Variants in SLC24A2 observed in about 807,000 individuals in gnomAD.
SLC24A2 encodes sodium/potassium/calcium exchanger 2.
Under a neutral mutation model 62.0 loss-of-function variants are expected in SLC24A2, and 36 were observed. The ratio of observed to expected loss-of-function variants is 0.58; its 90% confidence interval spans 0.44 to 0.77. The LOEUF (loss-of-function observed/expected upper bound fraction) is 0.77, where lower values mean the gene tolerates loss of function less well. Ranked by LOEUF, SLC24A2 falls within the 30% of genes least tolerant of loss-of-function variation. The pLI is 0.00. For missense variants in SLC24A2, 846 were observed against 817.9 expected (o/e 1.03, Z -0.42); for synonymous variants, 358 against 294.0 (o/e 1.22, Z -2.23).
At chr9:19,667,209 G>C (rs1819280486) in intron 2 of SLC24A2, among the ~76,000 whole-genome samples, 1 of 152,178 alleles carries the variant, frequency 6.6e-6, no homozygotes, top group African/African-American at 2.4e-5. Flanking sequence ...CAGAGAGCTT[G>C]CCAAAGCCAT....
At chr9:19,839,951 C>T in the SLC24A2 span, among the ~76,000 whole-genome samples, 2 of 152,098 alleles carry the variant, frequency 1.3e-5, no homozygotes, top group Admixed American at 6.5e-5. Flanking sequence ...TTGTGGTAAG[C>T]TATATCATCC....
chr9:19,578,110 G>A (rs1389163687), intron 5 of SLC24A2, among the ~76,000 whole-genome samples: 2 of 151,386 alleles, frequency 1.3e-5, no homozygotes, highest in African/African-American at 2.4e-5. Context: ...GGGGACGAGG[G>A]ATAAAGGACT....
At chr9:19,741,401 G>A (rs952516618) in intron 2 of SLC24A2, among the ~76,000 whole-genome samples, 1 of 152,176 alleles carries the variant, frequency 6.6e-6, no homozygotes, top group Non-Finnish European at 1.5e-5. Context: ...CGTCCCAGAG[G>A]TTGCATTGCC....
At chr9:19,880,288 G>A in the SLC24A2 span, among the ~76,000 whole-genome samples, 1 of 152,158 alleles carries the variant, frequency 6.6e-6, no homozygotes, top group Non-Finnish European at 1.5e-5. Context: ...AAGTAACTCG[G>A]GACTGGTTGG....
intron 2 of SLC24A2, among the ~76,000 whole-genome samples, chr9:19,664,808 CG>C (rs1375082859): frequency 2.0e-5 from 3 of 152,084 alleles, no homozygotes; most frequent in Non-Finnish European, 4.4e-5. Context: ...AGGAATGCCA[CG>C]GATTGCCAGC....
chr9:19,848,736 C>T, the SLC24A2 span, among the ~76,000 whole-genome samples: 7 of 151,932 alleles, frequency 4.6e-5, no homozygotes, highest in African/African-American at 1.7e-4. Context: ...ATGTAAAAAC[C>T]TTCTAACCAC....
chr9:19,905,876 C>T, the SLC24A2 span, among the ~76,000 whole-genome samples: 1 of 152,014 alleles, frequency 6.6e-6, no homozygotes, highest in Non-Finnish European at 1.5e-5. Flanking sequence ...AAGTGAAACT[C>T]AAGAGAATTT....
the SLC24A2 span, among the ~76,000 whole-genome samples, chr9:20,159,019 T>C: frequency 1.3e-5 from 2 of 151,638 alleles, no homozygotes; most frequent in South Asian, 4.1e-4. Flanking sequence ...GCAAAAATAT[T>C]AGGCTTACTT....
chr9:20,118,799 A>T, the SLC24A2 span, among the ~76,000 whole-genome samples: 7 of 152,168 alleles, frequency 4.6e-5, no homozygotes, highest in Non-Finnish European at 8.8e-5. Context: ...AAACAAGTAT[A>T]GGGTAGTCTT....
intron 5 of SLC24A2, among the ~76,000 whole-genome samples, chr9:19,596,792 G>T (rs1005747594): frequency 6.6e-6 from 1 of 152,154 alleles, no homozygotes; most frequent in Non-Finnish European, 1.5e-5. Flanking sequence ...CTGGTTCTGG[G>T]TATAGAAGAT....
At chr9:19,945,689 T>C in the SLC24A2 span, among the ~76,000 whole-genome samples, 5 of 152,320 alleles carry the variant, frequency 3.3e-5, no homozygotes, top group Admixed American at 2.0e-4. Flanking sequence ...AGATGAAGAA[T>C]TGGAGACTCA....
chr9:19,810,463 A>G, the SLC24A2 span, among the ~76,000 whole-genome samples: 2 of 152,246 alleles, frequency 1.3e-5, no homozygotes, highest in Admixed American at 6.5e-5. Context: ...TTCGAGACAA[A>G]ATAGGAACTG....
the SLC24A2 span, among the ~76,000 whole-genome samples, chr9:20,011,254 C>T: frequency 6.6e-6 from 1 of 152,286 alleles, no homozygotes; most frequent in Admixed American, 6.5e-5. Flanking sequence ...CATTTCTCCA[C>T]ATCCTCTCCA....
In SLC24A2 at chr9:19,529,192, C is replaced by G. The variant is rs139030724; in HGVS notation, c.1480-1054G>C. ...CCACTTTTTGCTTTGATAATGCCAT[C>G]CAATTTTATCTAGAGAAATGAATTT... On this transcript the variant is annotated intron_variant, in intron 8 of 10. Coordinates refer to ENST00000341998, the MANE Select transcript of SLC24A2 (RefSeq NM_020344.4). Among the ~76,000 whole-genome samples, 53 of 152,254 alleles carry G rather than the reference C, an allele frequency of 3.5e-4. 1 individual carries two copies. The highest frequency in any genetic ancestry group is 1.2e-3 in the African/African-American group (51 of 41,556).
chr9:20,181,267 T>TA, the SLC24A2 span, among the ~76,000 whole-genome samples: 1 of 149,786 alleles, frequency 6.7e-6, no homozygotes, highest in Non-Finnish European at 1.5e-5. Flanking sequence ...AAAGAAAAAA[T>TA]AAAGCCTATA....
intron 5 of SLC24A2, among the ~76,000 whole-genome samples, chr9:19,595,480 G>A (rs1014843479): frequency 6.6e-6 from 1 of 152,152 alleles, no homozygotes; most frequent in African/African-American, 2.4e-5. Context: ...GGTGACCCAG[G>A]GAGGGCCCCC....
At position 19,513,660 on chromosome 9, in the gene SLC24A2, TAAG is replaced by T. The variant is rs1832818133; in HGVS notation, c.*2490_*2492del. 1 of 152,174 alleles carries T rather than the reference TAAG, an allele frequency of 6.6e-6. No individual in the cohort carries two copies. Among genetic ancestry groups the T allele is most frequent in the Non-Finnish European group, 1.5e-5 (1 of 68,048 alleles). The allele number at this position is 152,174 out of a possible 1,614,324, so 9.4% of individuals were successfully genotyped here. A position where few individuals can be genotyped will look rare whatever the true frequency, so the allele number is the denominator to read the frequency against. ...GAGGAGGCAGAGGGAGGATCAGGAATAAGAAGAGGGCGGCATCAGGTCTCCTTC... is the reference window on the plus strand; with the variant it reads ...GAGGAGGCAGAGGGAGGATCAGGAATAAGAGGGCGGCATCAGGTCTCCTTC... On this transcript the variant is annotated 3_prime_UTR_variant, in exon 11 of 11. Transcript: ENST00000341998.
chr9:20,260,036 T>C, the SLC24A2 span, among the ~76,000 whole-genome samples: 9 of 152,192 alleles, frequency 5.9e-5, no homozygotes, highest in African/African-American at 2.2e-4. Context: ...TGAGCCATGA[T>C]TGTGCCACTG....
At chr9:19,656,700 T>C (rs1191052701) in intron 2 of SLC24A2, among the ~76,000 whole-genome samples, 1 of 152,196 alleles carries the variant, frequency 6.6e-6, no homozygotes, top group Non-Finnish European at 1.5e-5. Context: ...TCCCAGTTCC[T>C]CCTCTTTTGA....
Sources: allele counts gnomAD v4.1 joint callset (sites outside exome capture counted in the v4.1 genomes callset), GRCh38; gene constraint gnomAD v4.1.1; transcripts MANE v1.5; gene names NCBI Gene and HGNC (gene_info 2026-07-23, HGNC 2026-07-21).